The following PTH2R variants were observed in gnomAD, a reference collection of about 807,000 sequenced individuals.
PTH2R encodes the protein parathyroid hormone 2 receptor.
In PTH2R, 59 loss-of-function variants were observed where a neutral mutation model predicts 60.3. The observed-to-expected ratio is 0.98, with a 90% CI of 0.79 to 1.22. The LOEUF is 1.22. Ranked by LOEUF, PTH2R falls within the 50% of genes most tolerant of loss-of-function variation. The probability of loss-of-function intolerance (pLI) is 0.00; values close to 1 mark genes in which losing one functional copy is unlikely to be tolerated. For missense variants in PTH2R, 749 were observed against 682.6 expected (o/e 1.10, Z -1.08); for synonymous variants, 256 against 243.8 (o/e 1.05, Z -0.47).
intron 1 of PTH2R, among the ~76,000 whole-genome samples, chr2:208,378,233 C>T (rs532283882): frequency 1.1e-3 from 164 of 150,114 alleles, no homozygotes; most frequent in Admixed American, 3.6e-3. Context: ...ACCAGTCAGG[C>T]GTGGCGGCGC....
intron 10 of PTH2R, among the ~76,000 whole-genome samples, chr2:208,484,988 A>G (rs1451930928): frequency 6.6e-6 from 1 of 152,172 alleles, no homozygotes; most frequent in Non-Finnish European, 1.5e-5. Context: ...GGGGATGGGT[A>G]GAGACAGAGA....
chr2:208,408,742 G>GAGAGAA (rs1553542814), intron 1 of PTH2R, among the ~76,000 whole-genome samples: 189 of 138,016 alleles, frequency 1.4e-3, no homozygotes, highest in Middle Eastern at 3.6e-3. Context: ...GAGAGAGAAA[G>GAGAGAA]AGAGAGAGAG....
chr2:208,367,600 C>T (rs2125867624), intron 1 of PTH2R, among the ~76,000 whole-genome samples: 1 of 152,102 alleles, frequency 6.6e-6, no homozygotes, highest in Admixed American at 6.6e-5. Context: ...GAACTCCTGA[C>T]CTCAGGTGAT....
intron 1 of PTH2R, among the ~76,000 whole-genome samples, chr2:208,386,087 C>T (rs915490018): frequency 1.3e-5 from 2 of 152,176 alleles, no homozygotes; most frequent in South Asian, 4.1e-4. Context: ...TTCAAATAAT[C>T]AAATCTTTAA....
chr2:208,436,825 T>C (rs1472697243), intron 2 of PTH2R, among the ~76,000 whole-genome samples: 1 of 152,058 alleles, frequency 6.6e-6, no homozygotes, highest in East Asian at 1.9e-4. Context: ...TAGTTATTCT[T>C]GAGAACTACA....
intron 10 of PTH2R, among the ~76,000 whole-genome samples, chr2:208,485,886 C>T (rs758114151): frequency 2.0e-5 from 3 of 152,152 alleles, no homozygotes; most frequent in Non-Finnish European, 4.4e-5. Context: ...AAGATTCCAT[C>T]CTGTGAGCTT....
chr2:208,408,633 C>T (rs946364442), intron 1 of PTH2R, among the ~76,000 whole-genome samples: 2 of 150,752 alleles, frequency 1.3e-5, no homozygotes, highest in African/African-American at 2.4e-5. Flanking sequence ...CTGCTCTGAG[C>T]TATGATCATG....
At chr2:208,414,785 G>A (rs2105839685) in intron 1 of PTH2R, among the ~76,000 whole-genome samples, 1 of 152,168 alleles carries the variant, frequency 6.6e-6, no homozygotes, top group African/African-American at 2.4e-5. Flanking sequence ...AAGGATCGAG[G>A]TTAACATTAA....
At chr2:208,473,610 A>G (rs567107514) in intron 9 of PTH2R, among the ~76,000 whole-genome samples, 1 of 152,172 alleles carries the variant, frequency 6.6e-6, no homozygotes, top group Admixed American at 6.5e-5. Context: ...ATTGCATTTT[A>G]CTTACTAGCT....
intron 9 of PTH2R, among the ~76,000 whole-genome samples, chr2:208,476,178 A>G (rs1702998887): frequency 6.6e-6 from 1 of 152,188 alleles, no homozygotes; most frequent in African/African-American, 2.4e-5. Context: ...CAAACAAGGT[A>G]CATGCTTCTC....
At chr2:208,404,813 T>G (rs1171037642), upstream of PTH2R, among the ~76,000 whole-genome samples, 2 of 152,116 alleles carry the variant, frequency 1.3e-5, no homozygotes, top group African/African-American at 4.8e-5. Context: ...GCCTACTTCC[T>G]GAGTTCCAGT....
chr2:208,459,489 A>G (rs1240097773), intron 8 of PTH2R, among the ~76,000 whole-genome samples: 2 of 152,178 alleles, frequency 1.3e-5, no homozygotes, highest in East Asian at 1.9e-4. Context: ...GAAGTAAAAT[A>G]GAATTGCTGT....
In PTH2R at chr2:208,362,837, AGTGTGTGT is replaced by A. The variant is rs4021384; in HGVS notation, c.-259+2619_-259+2626del. 3.0e-3 allele frequency among the ~76,000 whole-genome samples: 446 copies of A among 150,566 alleles called. 4 individuals are homozygous for A. The highest frequency in any genetic ancestry group is 9.2e-3 in the African/African-American group (376 of 40,766). On this transcript the variant is annotated intron_variant, in intron 1 of 12. Coordinates refer to the PTH2R transcript ENST00000617735. ...CTCTACATCCATACCAACACTTATT[AGTGTGTGT>A]GTGTGTGTGTGTGTGTGTTTAATGG...
chr2:208,370,663 CTT>C (rs1165656535), intron 1 of PTH2R, among the ~76,000 whole-genome samples: 1 of 151,834 alleles, frequency 6.6e-6, no homozygotes, highest in Non-Finnish European at 1.5e-5. Context: ...TAATATGAGT[CTT>C]TTCTACATAG....
At chr2:208,386,345 A>G (rs1701001816) in intron 1 of PTH2R, among the ~76,000 whole-genome samples, 2 of 152,250 alleles carry the variant, frequency 1.3e-5, no homozygotes, top group Admixed American at 1.3e-4. Context: ...GTATTGATGT[A>G]GATTCAGTAC....
intron 5 of PTH2R, among the ~76,000 whole-genome samples, chr2:208,442,917 G>A (rs1320441679): frequency 6.6e-6 from 1 of 152,056 alleles, no homozygotes; most frequent in East Asian, 1.9e-4. Flanking sequence ...AAAATTTTGA[G>A]CACCAATTCA....
At chr2:208,458,337 G>T (rs1450777248) in intron 8 of PTH2R, among the ~76,000 whole-genome samples, 1 of 151,980 alleles carries the variant, frequency 6.6e-6, no homozygotes, top group Admixed American at 6.6e-5. Context: ...TAAAAAATAG[G>T]CAAATTATAT....
At chr2:208,488,228 G>T (rs1703318553) in intron 10 of PTH2R, among the ~76,000 whole-genome samples, 1 of 152,168 alleles carries the variant, frequency 6.6e-6, no homozygotes, top group Non-Finnish European at 1.5e-5. Context: ...AGAGTATTTG[G>T]CAGAGAATAT....
intron 1 of PTH2R, among the ~76,000 whole-genome samples, chr2:208,409,914 G>A (rs1031879384): frequency 2.6e-5 from 4 of 152,132 alleles, no homozygotes; most frequent in African/African-American, 7.2e-5. Context: ...GGGTGCTAGA[G>A]GTTTATTAGG....
Sources: gnomAD v4.1 joint callset for allele counts (sites outside exome capture counted in the v4.1 genomes callset) on GRCh38, gnomAD v4.1.1 for gene constraint, MANE v1.5 for transcripts, NCBI Gene and HGNC (gene_info 2026-07-23, HGNC 2026-07-21) for gene names.